ADARB2: variants seen among roughly 807,000 people sequenced by gnomAD.
The protein encoded by ADARB2 is inactive double-stranded RNA-specific editase B2.
ADARB2 carries 25 observed loss-of-function variants against 62.2 expected under a neutral mutation model. The observed-to-expected ratio is 0.40, with a 90% CI of 0.29 to 0.56. The LOEUF is 0.56. ADARB2 is among the 20% of genes least tolerant of loss of function. The pLI, the probability that ADARB2 is intolerant of heterozygous loss-of-function variation, is 0.43. For missense variants in ADARB2, 1,071 were observed against 1,077.4 expected, an observed-to-expected ratio of 0.99 and a Z score of 0.08; for synonymous variants, 572 against 500.8, an observed-to-expected ratio of 1.14 and a Z score of -1.90.
At chr10:1,720,723 GC>G (rs1397324745) in intron 1 of ADARB2, among the ~76,000 whole-genome samples, 1 of 152,134 alleles carries the variant, frequency 6.6e-6, no homozygotes, top group Non-Finnish European at 1.5e-5. Context: ...GGGCCTCTGG[GC>G]CCCTGGACAC....
At chr10:1,561,158 G>A (rs777850109) in intron 1 of ADARB2, among the ~76,000 whole-genome samples, 2 of 152,150 alleles carry the variant, frequency 1.3e-5, no homozygotes, top group Non-Finnish European at 2.9e-5. Context: ...TCAATATAAA[G>A]ACATCAAGGA....
chr10:1,650,875 A>G (rs1026344844), intron 1 of ADARB2, among the ~76,000 whole-genome samples: 1 of 152,128 alleles, frequency 6.6e-6, no homozygotes, highest in African/African-American at 2.4e-5. Flanking sequence ...ACGGTCACCA[A>G]AACCCCGCGT....
rs189078617 is a variant in ADARB2, at chr10:1,297,146, T to C, written c.1078-26077A>G. Among the ~76,000 whole-genome samples the C allele has an allele frequency of 6.0e-3, 920 of 152,306 alleles. 3 individuals carry two copies. The highest frequency in any genetic ancestry group is 8.7e-3 in the Admixed American group (133 of 15,304). On this transcript the variant is annotated intron_variant, in intron 3 of 9. Transcript: ENST00000381312. Reference sequence around the variant, plus strand: ...GGAAATAGGGTGTTTGCAGATGTGATTAGTAAAGGATTTAGAAACGAAATT... The same window carrying C: ...GGAAATAGGGTGTTTGCAGATGTGACTAGTAAAGGATTTAGAAACGAAATT...
intron 1 of ADARB2, among the ~76,000 whole-genome samples, chr10:1,397,390 A>C (rs1165646914): frequency 2.3e-4 from 2 of 8,542 alleles, no homozygotes; most frequent in Admixed American, 7.2e-4. Context: ...GGTCACCATC[A>C]GCCTCTCCCC....
chr10:1,464,861 A>G (rs1369964094), intron 1 of ADARB2, among the ~76,000 whole-genome samples: 2 of 152,222 alleles, frequency 1.3e-5, no homozygotes, highest in East Asian at 1.9e-4. Context: ...GGGTGGACAC[A>G]CACTCGGCGG....
chr10:1,335,034 C>A (rs1188243459), intron 3 of ADARB2, among the ~76,000 whole-genome samples: 35 of 152,186 alleles, frequency 2.3e-4, no homozygotes, highest in Admixed American at 2.3e-3. Flanking sequence ...GGGTTAAGTG[C>A]CCAGGAGCTA....
intron 4 of ADARB2, among the ~76,000 whole-genome samples, chr10:1,247,206 C>CTG (rs1405368898): frequency 6.6e-6 from 1 of 152,140 alleles, no homozygotes; most frequent in Non-Finnish European, 1.5e-5. Flanking sequence ...CTGAAGTTGC[C>CTG]TGTCAGCTTA....
chr10:1,396,476 C>T (rs1266109746), intron 1 of ADARB2, among the ~76,000 whole-genome samples: 1 of 152,162 alleles, frequency 6.6e-6, no homozygotes, highest in African/African-American at 2.4e-5. Flanking sequence ...TGCTGTGTCC[C>T]AGGATCGAAG....
intron 1 of ADARB2, among the ~76,000 whole-genome samples, chr10:1,450,062 G>A (rs1448353603): frequency 3.9e-5 from 6 of 152,282 alleles, no homozygotes; most frequent in Non-Finnish European, 7.4e-5. Context: ...ACGCTTGAAG[G>A]TGGCCACCCT....
intron 4 of ADARB2, among the ~76,000 whole-genome samples, chr10:1,261,946 G>A (rs1336267262): frequency 6.7e-5 from 10 of 148,198 alleles, no homozygotes; most frequent in Non-Finnish European, 1.2e-4. Context: ...TATACACCAT[G>A]GAATACTATG....
At chr10:1,627,925 C>G (rs1375846636) in intron 1 of ADARB2, among the ~76,000 whole-genome samples, 2 of 152,142 alleles carry the variant, frequency 1.3e-5, no homozygotes, top group African/African-American at 4.8e-5. Context: ...AGGTGTGACT[C>G]CCCCCAGCAT....
chr10:1,555,785 A>T, intron 1 of ADARB2, among the ~76,000 whole-genome samples: 1 of 152,158 alleles, frequency 6.6e-6, no homozygotes, highest in South Asian at 2.1e-4. Context: ...AAATACAAAA[A>T]TTAGCCAGGT....
chr10:1,653,785 G>T (rs1409112673), intron 1 of ADARB2, among the ~76,000 whole-genome samples: 1 of 152,244 alleles, frequency 6.6e-6, no homozygotes, highest in Non-Finnish European at 1.5e-5. Context: ...CTCAATAAAT[G>T]AGTAATCAAA....
At chr10:1,494,030 A>G (rs1414701026) in intron 1 of ADARB2, among the ~76,000 whole-genome samples, 3 of 152,086 alleles carry the variant, frequency 2.0e-5, no homozygotes, top group Non-Finnish European at 4.4e-5. Context: ...CTGGGATTAC[A>G]TGTGAGCCAC....
At chr10:1,479,593 C>T (rs1405400923) in intron 1 of ADARB2, among the ~76,000 whole-genome samples, 1 of 152,128 alleles carries the variant, frequency 6.6e-6, no homozygotes, top group Non-Finnish European at 1.5e-5. Flanking sequence ...GCCTCCTAAA[C>T]CATGGGTGGC....
intron 1 of ADARB2, among the ~76,000 whole-genome samples, chr10:1,460,151 G>A (rs2813421): frequency 0.017 from 313 of 18,072 alleles, 6 homozygotes; most frequent in African/African-American, 0.054. Flanking sequence ...CCTGTGTAAC[G>A]AACCTGCCTG....
At chr10:1,596,981 G>T (rs755709569) in intron 1 of ADARB2, among the ~76,000 whole-genome samples, 6 of 152,152 alleles carry the variant, frequency 3.9e-5, no homozygotes, top group African/African-American at 1.4e-4. Context: ...GGCAGTGTGT[G>T]ATTGTTAAAG....
chr10:1,359,410 T>A (rs1832228413), intron 3 of ADARB2, among the ~76,000 whole-genome samples: 1 of 152,200 alleles, frequency 6.6e-6, no homozygotes, highest in Non-Finnish European at 1.5e-5. Flanking sequence ...AGTCTGATCC[T>A]GAGAAACACC....
In ADARB2 at chr10:1,319,633, C is replaced by T. The variant is rs114343756; in HGVS notation, c.1077+43395G>A. Reference sequence around the variant, plus strand: ...AACTTGAAAAGAGTCTATTCCATGACGAATGGATAGCTGGCATTTTTCCTT... The same window carrying T: ...AACTTGAAAAGAGTCTATTCCATGATGAATGGATAGCTGGCATTTTTCCTT... On this transcript the variant is annotated intron_variant, in intron 3 of 9. Coordinates refer to ENST00000381312, the MANE Select transcript of ADARB2 (RefSeq NM_018702.4). Among the ~76,000 whole-genome samples the T allele has an allele frequency of 1.4e-3, 206 of 152,262 alleles. 2 individuals are homozygous for T. Among genetic ancestry groups the T allele is most frequent in the African/African-American group, 4.7e-3 (194 of 41,546 alleles).
Sources: allele counts gnomAD v4.1 joint callset (sites outside exome capture counted in the v4.1 genomes callset), GRCh38; gene constraint gnomAD v4.1.1; transcripts MANE v1.5; gene names NCBI Gene and HGNC (gene_info 2026-07-23, HGNC 2026-07-21).